The following NTM variants were observed in gnomAD, a reference collection of about 807,000 sequenced individuals.
The protein encoded by NTM is neurotrimin.
Under a neutral mutation model 42.1 loss-of-function variants are expected in NTM, and 13 were observed. That is an observed-to-expected ratio of 0.31 (90% CI 0.20 to 0.49). The LOEUF (loss-of-function observed/expected upper bound fraction) is 0.49, where lower values mean the gene tolerates loss of function less well. Ranked by LOEUF, NTM falls within the 20% of genes least tolerant of loss-of-function variation. NTM has a pLI of 0.99. For synonymous variants in NTM, 187 were observed against 179.2 expected, an observed-to-expected ratio of 1.04 and a Z score of -0.35; for missense variants, 373 against 452.8, an observed-to-expected ratio of 0.82 and a Z score of 1.60.
At chr11:131,426,672 C>T (rs1948164789) in intron 1 of NTM, among the ~76,000 whole-genome samples, 1 of 152,148 alleles carries the variant, frequency 6.6e-6, no homozygotes, top group African/African-American at 2.4e-5. Flanking sequence ...CCATTCTGCA[C>T]TTGTCGGAAG....
intron 4 of NTM, among the ~76,000 whole-genome samples, chr11:132,248,117 G>A (rs993033812): frequency 3.9e-5 from 6 of 152,156 alleles, no homozygotes; most frequent in African/African-American, 1.2e-4. Flanking sequence ...TCTACCCCTT[G>A]TGACTCAGAA....
At chr11:131,625,546 A>C (rs1454170056) in intron 1 of NTM, among the ~76,000 whole-genome samples, 1 of 152,152 alleles carries the variant, frequency 6.6e-6, no homozygotes, top group African/African-American at 2.4e-5. Context: ...GAGGGAGGAT[A>C]GAAGAAAGGC....
At chr11:132,098,384 T>C (rs1470164359) in intron 2 of NTM, among the ~76,000 whole-genome samples, 4 of 152,202 alleles carry the variant, frequency 2.6e-5, no homozygotes, top group African/African-American at 9.6e-5. Context: ...TGAAGAGCCT[T>C]TGGCGTTGCG....
chr11:131,625,273 C>G (rs961587217), intron 1 of NTM, among the ~76,000 whole-genome samples: 1 of 152,154 alleles, frequency 6.6e-6, no homozygotes. Flanking sequence ...TGTGGGGGGC[C>G]ACCCTGATAA....
chr11:132,016,167 A>G (rs1410020671), intron 2 of NTM, among the ~76,000 whole-genome samples: 1 of 151,264 alleles, frequency 6.6e-6, no homozygotes, highest in Non-Finnish European at 1.5e-5. Flanking sequence ...TGAAATGATC[A>G]TATGGTTTTT....
Position 132,312,089 on chromosome 11 carries a change from A to G in NTM, c.782+1857A>G, listed in dbSNP as rs138630831. 7.9e-3 allele frequency among the ~76,000 whole-genome samples: 1,200 copies of G among 152,222 alleles called. 18 individuals carry two copies. The highest frequency in any genetic ancestry group is 0.028 in the African/African-American group (1,154 of 41,540). Reference sequence around the variant, plus strand: ...TATTTATTTCCAGTGTGCTGGCATGAGACAGGGGCTGTCTTTCCTCCTGGC... The same window carrying G: ...TATTTATTTCCAGTGTGCTGGCATGGGACAGGGGCTGTCTTTCCTCCTGGC... On this transcript the variant is annotated intron_variant, in intron 6 of 8. Transcript: ENST00000683400.
chr11:132,157,563 T>C (rs2073449456), intron 3 of NTM, among the ~76,000 whole-genome samples: 1 of 152,192 alleles, frequency 6.6e-6, no homozygotes, highest in African/African-American at 2.4e-5. Flanking sequence ...ACCATTGATG[T>C]CGCCTAGCAT....
At chr11:132,116,318 G>T (rs992469752) in intron 2 of NTM, among the ~76,000 whole-genome samples, 1 of 152,178 alleles carries the variant, frequency 6.6e-6, no homozygotes, top group Non-Finnish European at 1.5e-5. Context: ...TGGAGGTAGG[G>T]GCTGGAGCCA....
chr11:132,168,817 A>T (rs2075673150), intron 3 of NTM, among the ~76,000 whole-genome samples: 1 of 152,128 alleles, frequency 6.6e-6, no homozygotes, highest in Admixed American at 6.5e-5. Flanking sequence ...AGGAGCCCGG[A>T]GTTGAGAAGG....
intron 4 of NTM, among the ~76,000 whole-genome samples, chr11:132,248,287 T>G (rs982497199): frequency 3.9e-5 from 6 of 152,226 alleles, no homozygotes; most frequent in African/African-American, 1.4e-4. Flanking sequence ...CCCATCTGCT[T>G]CATAAAACAA....
intron 1 of NTM, among the ~76,000 whole-genome samples, chr11:131,441,867 T>C (rs1042946001): frequency 2.0e-5 from 3 of 152,174 alleles, no homozygotes; most frequent in African/African-American, 4.8e-5. Flanking sequence ...ACTTACTTGA[T>C]TCACTCCTGA....
At chr11:132,117,372 C>A (rs563760843) in intron 2 of NTM, among the ~76,000 whole-genome samples, 1 of 152,302 alleles carries the variant, frequency 6.6e-6, no homozygotes, top group Non-Finnish European at 1.5e-5. Context: ...GCCCCTCTCC[C>A]TAGTCTGTGC....
At chr11:132,093,263 A>G (rs537194958) in intron 2 of NTM, among the ~76,000 whole-genome samples, 1 of 152,150 alleles carries the variant, frequency 6.6e-6, no homozygotes, top group Admixed American at 6.5e-5. Flanking sequence ...GTTTCTCTCC[A>G]TGTTCTCTCT....
chr11:131,557,035 G>A (rs575165149), intron 1 of NTM, among the ~76,000 whole-genome samples: 75 of 152,020 alleles, frequency 4.9e-4, no homozygotes, highest in African/African-American at 1.6e-3. Context: ...CTGCAAAGGG[G>A]AATTTCAGGT....
At chr11:132,031,722 G>A (rs2075945622) in intron 2 of NTM, among the ~76,000 whole-genome samples, 1 of 152,168 alleles carries the variant, frequency 6.6e-6, no homozygotes, top group Admixed American at 6.5e-5. Flanking sequence ...CATGAATCTA[G>A]TGCTCAGGAC....
At chr11:131,463,840 C>T (rs530931665) in intron 1 of NTM, among the ~76,000 whole-genome samples, 49 of 152,194 alleles carry the variant, frequency 3.2e-4, no homozygotes, top group Non-Finnish European at 6.6e-4. Flanking sequence ...TCCAGGAGAA[C>T]GGGCCCAGGA....
intron 2 of NTM, among the ~76,000 whole-genome samples, chr11:131,950,726 A>G (rs1005094459): frequency 6.6e-6 from 1 of 152,184 alleles, no homozygotes; most frequent in African/African-American, 2.4e-5. Context: ...CCTGGCATAC[A>G]TGCTCCGTAA....
At chr11:131,660,905 T>C (rs1003151531) in intron 1 of NTM, 3 of 1,291,610 alleles carry the variant, frequency 2.3e-6, no homozygotes, top group African/African-American at 3.1e-5. Context: ...GATGCATGGC[T>C]TTCTCTTCTG....
chr11:132,235,331 G>A (rs978787284), intron 4 of NTM, among the ~76,000 whole-genome samples: 1 of 152,002 alleles, frequency 6.6e-6, no homozygotes, highest in African/African-American at 2.4e-5. Flanking sequence ...ACTGTGTGTG[G>A]GTGTGGGTGT....
Sources: gnomAD v4.1 joint callset for allele counts (sites outside exome capture counted in the v4.1 genomes callset) on GRCh38, gnomAD v4.1.1 for gene constraint, MANE v1.5 for transcripts, NCBI Gene and HGNC (gene_info 2026-07-23, HGNC 2026-07-21) for gene names.